Variants in C14orf39 observed in about 807,000 individuals in gnomAD.
C14orf39 encodes chromosome 14 open reading frame 39.
C14orf39 carries 66 observed loss-of-function variants against 85.6 expected under a neutral mutation model. That is an observed-to-expected ratio of 0.77 (90% CI 0.63 to 0.95). C14orf39 has a LOEUF of 0.95. Ranked by LOEUF, C14orf39 falls within the 40% of genes least tolerant of loss-of-function variation. The pLI is 0.00. For synonymous variants in C14orf39, 242 were observed against 214.0 expected (o/e 1.13, Z -1.14); for missense variants, 735 against 663.9 (o/e 1.11, Z -1.18).
chr14:60,445,936 A>T (rs981115533), intron 16 of C14orf39, among the ~76,000 whole-genome samples: 1 of 152,214 alleles, frequency 6.6e-6, no homozygotes, highest in African/African-American at 2.4e-5. Flanking sequence ...CTACATGGAA[A>T]CTGAACAACA....
intron 1 of C14orf39, among the ~76,000 whole-genome samples, chr14:60,507,655 C>T (rs8004739): frequency 0.033 from 5,030 of 152,230 alleles, 284 homozygotes; most frequent in African/African-American, 0.11. Flanking sequence ...GAGCTTTGCC[C>T]TGCACTCAGG....
intron 4 of C14orf39, among the ~76,000 whole-genome samples, chr14:60,479,407 A>AG (rs1566679312): frequency 6.6e-6 from 1 of 152,186 alleles, no homozygotes; most frequent in Non-Finnish European, 1.5e-5. Flanking sequence ...AAACTAGTAG[A>AG]GGGGGAAGAG....
At chr14:60,438,216 A>T (rs1002196078) in intron 17 of C14orf39, among the ~76,000 whole-genome samples, 21 of 152,044 alleles carry the variant, frequency 1.4e-4, no homozygotes, top group African/African-American at 4.6e-4. Flanking sequence ...AAATAGAACC[A>T]AGTCAACCAG....
upstream of C14orf39, among the ~76,000 whole-genome samples, chr14:60,487,960 ATTGT>A (rs1431294721): frequency 7.9e-5 from 12 of 152,122 alleles, no homozygotes; most frequent in East Asian, 1.5e-3. Context: ...TTTTAATCAG[ATTGT>A]TTGTTTTCTT....
intron 1 of C14orf39, 136 bp from the exon 2 acceptor site, chr14:60,485,222 C>A: frequency 1.4e-6 from 1 of 704,956 alleles, no homozygotes; most frequent in Non-Finnish European, 2.3e-6. Context: ...AGACGAGAGG[C>A]CCCCTTGAGC....
At chr14:60,459,203 T>C (rs145935553) in intron 13 of C14orf39, among the ~76,000 whole-genome samples, 3 of 151,882 alleles carry the variant, frequency 2.0e-5, no homozygotes, top group Non-Finnish European at 4.4e-5. Flanking sequence ...ATCCATATTA[T>C]TGCACAAAGA....
chr14:60,451,654 A>C (rs1253467784), intron 16 of C14orf39, among the ~76,000 whole-genome samples: 2 of 141,092 alleles, frequency 1.4e-5, no homozygotes, highest in Non-Finnish European at 3.0e-5. Context: ...TCTTGGACAC[A>C]GGATGGTGAA....
At chr14:60,478,829 GA>G (rs1892514459) in intron 4 of C14orf39, among the ~76,000 whole-genome samples, 1 of 151,878 alleles carries the variant, frequency 6.6e-6, no homozygotes, top group Admixed American at 6.6e-5. Context: ...TTAACACTTA[GA>G]AAACAGGTGT....
chr14:60,472,999 G>A (rs1238862747), intron 5 of C14orf39, among the ~76,000 whole-genome samples: 1 of 152,160 alleles, frequency 6.6e-6, no homozygotes, highest in East Asian at 1.9e-4. Context: ...CACAATGGTT[G>A]AACTAGTTTA....
rs757664440 is a variant in C14orf39 at position 60,442,063 on chromosome 14, A to G, written c.1561+11T>C. On this transcript the variant is annotated intron_variant, in intron 17 of 17. Transcript: ENST00000321731. ...CATGTTTTTAAAGGTAGCAAACTTC[A>G]AACAACTTACCAATCTCTTGCTCTG... 6.2e-7 allele frequency: 1 copy of G among 1,604,884 alleles called. No homozygotes were observed. Among genetic ancestry groups the G allele is most frequent in the South Asian group, 1.1e-5 (1 of 90,492 alleles).
At position 60,478,370 on chromosome 14, in the gene C14orf39, C is replaced by T. The variant is rs1892493127; in HGVS notation, c.253G>A (p.Val85Ile). The T allele has an allele frequency of 6.3e-7, 1 of 1,574,846 alleles. No individual in the cohort carries two copies. Among genetic ancestry groups the T allele is most frequent in the Admixed American group, 1.9e-5 (1 of 52,376 alleles). ...NCRNWKPTCD[V>I]FRKHEDYMQD... ...ATATAATCTTCATGTTTACGAAAAA[C>T]ATCACATGTTGGCTTCCAGCTATAG... The change falls in exon 5 of 18, where the codon GTT becomes ATT. Residue 85 changes from valine (V) to isoleucine (I), a missense_variant. Coordinates refer to ENST00000321731, the MANE Select transcript of C14orf39 (RefSeq NM_174978.3).
At chr14:60,444,424 T>A (rs768386054) in intron 16 of C14orf39, among the ~76,000 whole-genome samples, 1 of 152,122 alleles carries the variant, frequency 6.6e-6, no homozygotes, top group Non-Finnish European at 1.5e-5. Context: ...AATAGCCGAT[T>A]CGATTAAGTG....
intron 13 of C14orf39, among the ~76,000 whole-genome samples, chr14:60,459,382 C>T (rs1056537306): frequency 3.3e-5 from 5 of 151,618 alleles, no homozygotes; most frequent in Admixed American, 1.3e-4. Flanking sequence ...TTCTATTTCT[C>T]TAGGTATATA....
intron 13 of C14orf39, 22 bp from the exon 14 acceptor site, chr14:60,458,761 C>T: frequency 6.5e-7 from 1 of 1,550,308 alleles, no homozygotes; most frequent in South Asian, 1.2e-5. Flanking sequence ...TGAGAACAAA[C>T]TATTTTTCTT....
At chr14:60,448,850 T>C (rs1187187962) in intron 16 of C14orf39, among the ~76,000 whole-genome samples, 1 of 152,184 alleles carries the variant, frequency 6.6e-6, no homozygotes, top group East Asian at 1.9e-4. Context: ...TGGAATACTA[T>C]GCAGCCATAA....
chr14:60,484,792 CAAT>C lies in C14orf39; in HGVS notation c.106+86_106+88del. On this transcript the variant is annotated intron_variant, in intron 3 of 17. Transcript: ENST00000321731. The surrounding 1 kb of genome is among the most constrained non-coding windows in gnomAD (Gnocchi z 4.2). ...ACTGACACAAAAGTTATAACGCCAACAATAAGTTGCCCTAAACAGAGCAATTGT... is the reference window on the plus strand; with the variant it reads ...ACTGACACAAAAGTTATAACGCCAACAAGTTGCCCTAAACAGAGCAATTGT... The C allele has an allele frequency of 1.1e-6, 1 of 901,996 alleles. No homozygotes were observed. Among genetic ancestry groups the C allele is most frequent in the Non-Finnish European group, 1.7e-6 (1 of 580,978 alleles). 55.9% of individuals were successfully genotyped at this position (901,996 alleles called of 1,614,324 possible). A position where few individuals can be genotyped will look rare whatever the true frequency, so the allele number is the denominator to read the frequency against.
chr14:60,499,508 T>C (rs1893110611), intron 1 of C14orf39: 1 of 152,224 alleles, frequency 6.6e-6, no homozygotes, highest in Non-Finnish European at 1.5e-5. Flanking sequence ...AACAACGCTG[T>C]TAGATTTCAA....
chr14:60,466,803 G>T, intron 10 of C14orf39, 114 bp downstream of exon 10: 1 of 695,080 alleles, frequency 1.4e-6, no homozygotes, highest in Non-Finnish European at 2.0e-6. Flanking sequence ...TGAGTTTATA[G>T]GTCTCCAGTA....
At chr14:60,469,176 G>A (rs937252055) in intron 8 of C14orf39, among the ~76,000 whole-genome samples, 4 of 150,722 alleles carry the variant, frequency 2.7e-5, no homozygotes, top group Admixed American at 6.7e-5. Flanking sequence ...AAACACTGGC[G>A]TAGATCTTTT....
Sources: allele counts gnomAD v4.1 joint callset (sites outside exome capture counted in the v4.1 genomes callset), GRCh38; gene constraint gnomAD v4.1.1; non-coding constraint Gnocchi (gnomAD v3.1); transcripts MANE v1.5; gene names NCBI Gene and HGNC (gene_info 2026-07-23, HGNC 2026-07-21).